JMJD1C: variants seen among roughly 807,000 people sequenced by gnomAD.
The protein encoded by JMJD1C is jumonji domain-containing protein 1C.
A neutral mutation model predicts 245.3 loss-of-function variants in JMJD1C; 31 were observed. The ratio of observed to expected loss-of-function variants is 0.13; its 90% CI spans 0.09 to 0.17. The LOEUF (loss-of-function observed/expected upper bound fraction) is 0.17. JMJD1C is among the 10% of genes least tolerant of loss of function. The pLI is 1.00. For missense variants in JMJD1C, 2,691 were observed against 3,000.2 expected (o/e 0.90, Z 2.41); for synonymous variants, 1,057 against 1,017.4 (o/e 1.04, Z -0.74).
In JMJD1C at chr10:63,255,131, C is replaced by T. The variant is rs10995479; in HGVS notation, c.447+9520G>A. ...AAAGTGCTAGGATTACAGTTGTGAT[C>T]CACCATACCCAACACAGGTTCTTTT... On this transcript the variant is annotated intron_variant, in intron 3 of 25. Transcript: ENST00000399262. Among the ~76,000 whole-genome samples the T allele has an allele frequency of 3.3e-4, 50 of 152,278 alleles. No homozygotes were observed. In the East Asian group the frequency reaches 8.1e-3, roughly 25 times the overall value.
At chr10:63,380,133 G>A (rs929263828) in intron 2 of JMJD1C, 185 bp downstream of exon 2, 49 of 480,578 alleles carry the variant, frequency 1.0e-4, no homozygotes, top group African/African-American at 9.3e-4. Context: ...TGGTAGAGAT[G>A]GGGTCTCGCT....
At chr10:63,380,261 GTTCT>G in intron 2 of JMJD1C, 53 bp downstream of exon 2, 1 of 1,565,570 alleles carries the variant, frequency 6.4e-7, no homozygotes, top group Admixed American at 1.7e-5. Context: ...TGTTGTTGTT[GTTCT>G]TTGTTTTAAA....
chr10:63,316,747 C>CA (rs1299107634), intron 2 of JMJD1C, among the ~76,000 whole-genome samples: 1 of 152,122 alleles, frequency 6.6e-6, no homozygotes, highest in Non-Finnish European at 1.5e-5. Context: ...CACAGCTGGC[C>CA]AATATTCATA....
intron 2 of JMJD1C, among the ~76,000 whole-genome samples, chr10:63,337,210 C>T (rs918703740): frequency 1.1e-4 from 16 of 151,294 alleles, no homozygotes; most frequent in Non-Finnish European, 1.6e-4. Context: ...CCATTGAGAC[C>T]GGCACGGGCA....
intron 2 of JMJD1C, among the ~76,000 whole-genome samples, chr10:63,335,597 C>T (rs1942641781): frequency 6.6e-6 from 1 of 152,106 alleles, no homozygotes; most frequent in African/African-American, 2.4e-5. Context: ...CCGCAAGCTC[C>T]GCCTCCAGGG....
At chr10:63,363,000 T>A (rs1314941893) in intron 2 of JMJD1C, among the ~76,000 whole-genome samples, 1 of 151,974 alleles carries the variant, frequency 6.6e-6, no homozygotes, top group Non-Finnish European at 1.5e-5. Context: ...GAGGTAACAA[T>A]CCTCTAATCA....
intron 2 of JMJD1C, among the ~76,000 whole-genome samples, chr10:63,291,247 G>A (rs1450488703): frequency 6.9e-6 from 1 of 143,934 alleles, no homozygotes; most frequent in African/African-American, 2.7e-5. Context: ...GGCAGAGGTT[G>A]CAGTGAGCTG....
chr10:63,483,341 A>G (rs1448555247), intron 1 of JMJD1C, among the ~76,000 whole-genome samples: 2 of 152,244 alleles, frequency 1.3e-5, no homozygotes, highest in African/African-American at 4.8e-5. Context: ...GAGCGGTTGC[A>G]TAAGTCTAGA....
At chr10:63,410,036 C>T (rs1283538825) in intron 1 of JMJD1C, among the ~76,000 whole-genome samples, 1 of 152,076 alleles carries the variant, frequency 6.6e-6, no homozygotes, top group Non-Finnish European at 1.5e-5. Flanking sequence ...ATGAAAAGAT[C>T]ATATAAGGAA....
At chr10:63,252,018 A>C (rs1012812145) in intron 3 of JMJD1C, among the ~76,000 whole-genome samples, 2 of 152,332 alleles carry the variant, frequency 1.3e-5, no homozygotes, top group African/African-American at 4.8e-5. Flanking sequence ...CGTCTCAAAG[A>C]AAATAAATAA....
At position 63,213,523 on chromosome 10, in the gene JMJD1C, T is replaced by C. The variant is rs773011484; in HGVS notation, c.2644A>G (p.Lys882Glu). ...ACTGCATTTTCTGGGTGAACCCACT[T>C]AGAAGAAGGCAAACCAAGTCCTGAG... ...AYSGLGLPSS[K>E]WVHPENAVNA... is the part of the protein sequence containing the mutation. Residue 882 changes from lysine to glutamate, a missense_variant, in exon 8 of 26, where the codon AAG becomes GAG. Lys to Glu is a moderately conservative substitution (Grantham distance 56). Transcript: ENST00000399262. 1 of 1,608,644 alleles carries C rather than the reference T, an allele frequency of 6.2e-7. No individual in the cohort carries two copies.
chr10:63,416,566 T>C (rs1217573608), intron 1 of JMJD1C, among the ~76,000 whole-genome samples: 1 of 152,220 alleles, frequency 6.6e-6, no homozygotes, highest in African/African-American at 2.4e-5. Context: ...TGGCTGATCA[T>C]GCTGTGCTGG....
intron 1 of JMJD1C, among the ~76,000 whole-genome samples, chr10:63,402,146 A>AAC (rs1282348351): frequency 7.3e-6 from 1 of 136,070 alleles, no homozygotes; most frequent in East Asian, 2.2e-4. Context: ...AAAAAAAGAA[A>AAC]AAAAAACAAA....
intron 22 of JMJD1C, among the ~76,000 whole-genome samples, chr10:63,182,749 C>T (rs1411720024): frequency 9.2e-5 from 14 of 152,194 alleles, no homozygotes. Flanking sequence ...CCCCCTTCTT[C>T]CTCTTTTTAC....
intron 1 of JMJD1C, among the ~76,000 whole-genome samples, chr10:63,412,086 A>G (rs1949520409): frequency 6.6e-6 from 1 of 152,006 alleles, no homozygotes; most frequent in Non-Finnish European, 1.5e-5. Flanking sequence ...AAAAACATGA[A>G]GAGCTATGTA....
Position 63,207,286 on chromosome 10 carries a change from A to G in JMJD1C, c.4383T>C (p.Ser1461=). ...STTAPVTLAS[S]KTGSVVQPSS... is the part of the protein sequence containing the mutation. ...TGGGTTGAACAACACTTCCTGTCTTACTACTGGCTAATGTAACTGGTGCTG... is the reference window on the plus strand; with the variant it reads ...TGGGTTGAACAACACTTCCTGTCTTGCTACTGGCTAATGTAACTGGTGCTG... Residue 1461 remains serine (S), a synonymous_variant, in exon 10 of 26, where the codon AGT becomes AGC. Transcript: ENST00000399262. 6.2e-7 allele frequency: 1 copy of G among 1,613,824 alleles called. No homozygotes were observed. Among genetic ancestry groups the G allele is most frequent in the East Asian group, 2.2e-5 (1 of 44,886 alleles).
upstream of JMJD1C, chr10:63,466,675 A>G (rs1953301685): frequency 6.6e-6 from 1 of 152,250 alleles, no homozygotes; most frequent in African/African-American, 2.4e-5. Context: ...TAGTACTGGT[A>G]CACAGCTCAA....
At position 63,276,594 on chromosome 10, in the gene JMJD1C, C is replaced by A. The variant is rs117814887; in HGVS notation, c.334-11830G>T. Among the ~76,000 whole-genome samples, 432 of 152,170 alleles carry A rather than the reference C, an allele frequency of 2.8e-3. 8 individuals are homozygous for A. In the East Asian group the frequency reaches 0.041, roughly 15 times the overall value. On this transcript the variant is annotated intron_variant, in intron 2 of 25. Transcript: ENST00000399262. The stretch of plus-strand genomic sequence containing the variant: ...CAGCTACTCAGGAGGCTGAGGCAGG[C>A]ATGGGGATTACAGGTGCCCACCACC...
At chr10:63,218,077 C>T (rs1443951168) in intron 4 of JMJD1C, among the ~76,000 whole-genome samples, 1 of 151,942 alleles carries the variant, frequency 6.6e-6, no homozygotes, top group Non-Finnish European at 1.5e-5. Context: ...TAACAAAGAA[C>T]TGTAAGGGAA....
Sources: gnomAD v4.1 joint callset for allele counts (sites outside exome capture counted in the v4.1 genomes callset) on GRCh38, gnomAD v4.1.1 for gene constraint, MANE v1.5 for transcripts, NCBI Gene and HGNC (gene_info 2026-07-23, HGNC 2026-07-21) for gene names.